SFPQ: variants seen among roughly 807,000 people sequenced by gnomAD.
SFPQ encodes the protein splicing factor proline and glutamine rich, also known as splicing factor, proline- and glutamine-rich.
SFPQ carries 11 observed loss-of-function variants against 72.9 expected under a neutral mutation model. That is an observed-to-expected ratio of 0.15 (90% CI 0.09 to 0.25). The LOEUF is 0.25. SFPQ is among the 10% of genes least tolerant of loss of function. SFPQ has a pLI of 1.00. For synonymous variants in SFPQ, 506 were observed against 367.3 expected (o/e 1.38, Z -4.32); for missense variants, 847 against 993.3 (o/e 0.85, Z 1.98).
At position 35,192,762 on chromosome 1, in the gene SFPQ, C is replaced by T. The variant is rs752290070; in HGVS notation, c.288G>A (p.Gln96=). ...QPPPHPQPHQ[Q]QQPPPPPQDS... ...CCTGCGGCGGTGGCGGCGGCTGCTG[C>T]TGCTGATGCGGCTGTGGATGCGGCG... Residue 96 remains glutamine (Q), a synonymous_variant, in exon 1 of 10, where the codon CAG becomes CAA. Coordinates refer to ENST00000357214, the MANE Select transcript of SFPQ (RefSeq NM_005066.3). 1.0e-5 allele frequency: 15 copies of T among 1,499,202 alleles called. No homozygotes were observed. The Admixed American group carries it at 2.4e-4, about 24-fold the overall frequency. 92.9% of individuals were successfully genotyped at this position (1,499,202 alleles called of 1,614,324 possible). A position where few individuals can be genotyped will look rare whatever the true frequency, so the allele number is the denominator to read the frequency against.
chr1:35,180,952 G>C (rs1274745324), downstream of SFPQ: 1 of 985,166 alleles, frequency 1.0e-6, no homozygotes, highest in Non-Finnish European at 1.2e-6. Context: ...CAACAGCACT[G>C]AATTCTGCCT....
chr1:35,190,369 ATTT>A, intron 4 of SFPQ, 126 bp downstream of exon 4: 1 of 657,484 alleles, frequency 1.5e-6, no homozygotes, highest in Non-Finnish European at 2.7e-6. Context: ...TCAGCCTGAG[ATTT>A]TTTACTAATA....
intron 9 of SFPQ, among the ~76,000 whole-genome samples, chr1:35,185,415 G>C (rs1639663388): frequency 6.6e-6 from 1 of 152,140 alleles, no homozygotes; most frequent in African/African-American, 2.4e-5. Context: ...CCATGTTTTA[G>C]ACACTTCCCG....
In SFPQ at chr1:35,183,563, C is replaced by A; in HGVS notation, c.*893G>T. ...TTCAAGTTTTGTTTTTTAGACTACA[C>A]CCCATCTTTATAAATCACTTGAATA... On this transcript the variant is annotated 3_prime_UTR_variant, in exon 10 of 10. Transcript: ENST00000357214. The A allele has an allele frequency of 9.8e-7, 1 of 1,018,928 alleles. No homozygotes were observed. Among genetic ancestry groups the A allele is most frequent in the South Asian group, 4.6e-5 (1 of 21,562 alleles). 63.1% of individuals were successfully genotyped at this position (1,018,928 alleles called of 1,614,324 possible).
chr1:35,180,807 G>A (rs999820986), downstream of SFPQ: 1 of 985,242 alleles, frequency 1.0e-6, no homozygotes, highest in African/African-American at 1.7e-5. Context: ...TAGTTCCCAA[G>A]TATAGTTTAG....
chr1:35,181,970 C>A (rs1437745756), downstream of SFPQ: 1 of 985,052 alleles, frequency 1.0e-6, no homozygotes, highest in East Asian at 1.1e-4. Flanking sequence ...CTCTACAGTC[C>A]ACAGTAAGGG....
Position 35,192,754 on chromosome 1 carries a change from G to A in SFPQ, c.296C>T (p.Pro99Leu), listed in dbSNP as rs533351000. Residue 99 changes from proline (P) to leucine (L), a missense_variant, in exon 1 of 10, where the codon CCG (proline) becomes CTG (leucine). Pro to Leu is a moderately conservative substitution (Grantham distance 98, BLOSUM62 -3). Coordinates refer to ENST00000357214, the MANE Select transcript of SFPQ (RefSeq NM_005066.3). ...PHPQPHQQQQPPPPPQDSSKP... is the reference protein window; with the variant it reads ...PHPQPHQQQQLPPPPQDSSKP... ...GGAAGAGTCCTGCGGCGGTGGCGGCGGCTGCTGCTGCTGATGCGGCTGTGG... is the reference window on the plus strand; with the variant it reads ...GGAAGAGTCCTGCGGCGGTGGCGGCAGCTGCTGCTGCTGATGCGGCTGTGG... 7 of 1,493,544 alleles carry A rather than the reference G, an allele frequency of 4.7e-6. No homozygotes were observed. The South Asian group carries it at 8.8e-5, about 19-fold the overall frequency. The allele number at this position is 1,493,544 out of a possible 1,614,324, so 92.5% of individuals were successfully genotyped here.
chr1:35,179,686 T>C (rs936135200), downstream of SFPQ: 3 of 1,056,712 alleles, frequency 2.8e-6, no homozygotes, highest in Middle Eastern at 4.2e-4. Context: ...AGCCTAATCA[T>C]CTGAAAGTGA....
chr1:35,188,177 A>C, intron 6 of SFPQ, 87 bp from the exon 7 acceptor site: 1 of 1,001,838 alleles, frequency 1.0e-6, no homozygotes, highest in Admixed American at 1.7e-5. Flanking sequence ...TGACCTAAGA[A>C]CTAGGTTAGC....
chr1:35,179,295 T>A, downstream of SFPQ: 1 of 1,059,458 alleles, frequency 9.4e-7, no homozygotes, highest in Non-Finnish European at 1.1e-6. Context: ...GTCACACGCA[T>A]CTCTTTATTG....
chr1:35,182,929 C>T (rs1276673321), downstream of SFPQ: 2 of 1,045,280 alleles, frequency 1.9e-6, no homozygotes, highest in Non-Finnish European at 1.2e-6. Flanking sequence ...ACTGACAACA[C>T]CATGGAAACA....
rs979247491 is a variant in SFPQ, at chr1:35,183,028, CTA to C, written c.*1426_*1427del. ...GATTTAGTGCTACATGAAAACGAAA[CTA>C]TGTGAAAACAAGTTAAATTTACAAT... is the stretch of plus-strand genomic sequence containing the variant. On this transcript the variant is annotated 3_prime_UTR_variant, in exon 10 of 10. Transcript: ENST00000357214. The C allele has an allele frequency of 1.7e-5, 18 of 1,035,870 alleles. No homozygotes were observed. Among genetic ancestry groups the C allele is most frequent in the East Asian group, 6.0e-5 (1 of 16,692 alleles). 64.2% of individuals were successfully genotyped at this position (1,035,870 alleles called of 1,614,324 possible).
At position 35,190,981 on chromosome 1, in the gene SFPQ, C is replaced by T; in HGVS notation, c.1032G>A (p.Leu344=). ...FGFIKLESRA[L]AEIAKAELDD... ...CCAGTTCGGCTTTGGCAATTTCAGC[C>T]AAAGCTCTAGATTCCTGTGTATCAG... Residue 344 remains leucine, a synonymous_variant, in exon 3 of 10, where the codon TTG becomes TTA. Coordinates refer to ENST00000357214, the MANE Select transcript of SFPQ (RefSeq NM_005066.3). 15 of 1,613,422 alleles carry T rather than the reference C, an allele frequency of 9.3e-6. No individual in the cohort carries two copies. Among genetic ancestry groups the T allele is most frequent in the Non-Finnish European group, 1.3e-5 (15 of 1,179,766 alleles).
At chr1:35,181,051 A>G (rs1304158633), downstream of SFPQ, 10 of 1,064,802 alleles carry the variant, frequency 9.4e-6, no homozygotes, top group African/African-American at 6.6e-5. Flanking sequence ...CTGTAATTTC[A>G]TTGTCAGAAA....
Position 35,187,109 on chromosome 1 carries a change from T to G in SFPQ, c.1878A>C (p.Ser626=). The G allele has an allele frequency of 6.2e-7, 1 of 1,614,094 alleles. No homozygotes were observed. Among genetic ancestry groups the G allele is most frequent in the Non-Finnish European group, 8.5e-7 (1 of 1,179,952 alleles). Residue 626 remains serine (S), a synonymous_variant, in exon 9 of 10, where the codon TCA becomes TCC. Coordinates refer to ENST00000357214, the MANE Select transcript of SFPQ (RefSeq NM_005066.3). ...CTAGAGGTGGAAATTTCTGGCCTCC[T>G]GAACCATAGGGATCTAGAAAACAAA... ...GAMNMGDPYG[S]GGQKFPPLGG...
chr1:35,186,586 C>T (rs560485946), intron 9 of SFPQ, among the ~76,000 whole-genome samples: 2 of 152,068 alleles, frequency 1.3e-5, no homozygotes, highest in Non-Finnish European at 2.9e-5. Flanking sequence ...AAGCTTCAAA[C>T]TACAAGTCTG....
At chr1:35,179,660 CA>C, downstream of SFPQ, 1 of 1,055,752 alleles carries the variant, frequency 9.5e-7, no homozygotes, top group East Asian at 5.3e-5. Flanking sequence ...ACAAGTTTCT[CA>C]TTCTAAAGTG....
rs1329168180 is a variant in SFPQ, at chr1:35,187,251, G to T, written c.1816C>A (p.Arg606=). 1.9e-6 allele frequency: 3 copies of T among 1,613,848 alleles called. No homozygotes were observed. Among genetic ancestry groups the T allele is most frequent in the Admixed American group, 3.3e-5 (2 of 60,000 alleles). Residue 606 remains arginine (R), a splice_region_variant and synonymous_variant, in exon 8 of 10, where the codon CGG becomes AGG. Transcript: ENST00000357214. ...CCACCCATTCGCATGTCTCTTTCCC[G>T]CTGCAAGAAAAAAATTCCTTTCAAT... is the stretch of plus-strand genomic sequence containing the variant. The part of the protein sequence containing the change: ...SYSRMGYMDP[R]ERDMRMGGGG...
chr1:35,193,088 G>T lies in SFPQ; in HGVS notation c.-39C>A. 6.6e-7 allele frequency: 1 copy of T among 1,511,198 alleles called. No individual in the cohort carries two copies. The allele number at this position is 1,511,198 out of a possible 1,614,324, so 93.6% of individuals were successfully genotyped here. Reference sequence around the variant, plus strand: ...GGGCGGTCGAGGCAAAAGCGAAGAAGACGCTCAGGAAACGTGGAGGCCACC... The same window carrying T: ...GGGCGGTCGAGGCAAAAGCGAAGAATACGCTCAGGAAACGTGGAGGCCACC... On this transcript the variant is annotated 5_prime_UTR_variant, in exon 1 of 10. Transcript: ENST00000357214.
Sources: gnomAD v4.1 joint callset for allele counts (sites outside exome capture counted in the v4.1 genomes callset) on GRCh38, gnomAD v4.1.1 for gene constraint, MANE v1.5 for transcripts, NCBI Gene and HGNC (gene_info 2026-07-23, HGNC 2026-07-21) for gene names.